Variants in GMDS observed in about 807,000 individuals in gnomAD.
GMDS encodes GDP-mannose 4,6-dehydratase, also known as GDP-mannose 4,6 dehydratase.
GMDS carries 20 observed loss-of-function variants against 49.9 expected under a neutral mutation model. The observed-to-expected ratio is 0.40, with a 90% CI of 0.28 to 0.58. The LOEUF is 0.58. Ranked by LOEUF, GMDS falls within the 20% of genes least tolerant of loss-of-function variation. GMDS has a pLI of 0.42. For missense variants in GMDS, 362 were observed against 481.4 expected (o/e 0.75, Z 2.32); for synonymous variants, 177 against 178.6 (o/e 0.99, Z 0.07).
intron 7 of GMDS, among the ~76,000 whole-genome samples, chr6:1,829,761 A>G (rs1771275273): frequency 6.6e-6 from 1 of 152,192 alleles, no homozygotes; most frequent in Admixed American, 6.5e-5. Flanking sequence ...TATTTTAATG[A>G]ATCTTCTTAT....
chr6:2,059,830 G>A (rs565792941), intron 4 of GMDS, among the ~76,000 whole-genome samples: 245 of 150,078 alleles, frequency 1.6e-3, no homozygotes, highest in African/African-American at 5.3e-3. Flanking sequence ...CTGACAGGGC[G>A]AAGCTCAGAG....
At chr6:1,683,198 A>C (rs1182089122) in intron 9 of GMDS, among the ~76,000 whole-genome samples, 1 of 152,120 alleles carries the variant, frequency 6.6e-6, no homozygotes, top group Non-Finnish European at 1.5e-5. Context: ...ATCTCGGCTC[A>C]CTGCAAGCTC....
At chr6:1,720,298 T>G (rs539683261) in intron 9 of GMDS, among the ~76,000 whole-genome samples, 80 of 152,210 alleles carry the variant, frequency 5.3e-4, no homozygotes, top group South Asian at 1.2e-3. Flanking sequence ...GGGATTTGTA[T>G]GCGATCCTAT....
intron 4 of GMDS, among the ~76,000 whole-genome samples, chr6:1,987,619 A>G (rs745765225): frequency 6.6e-6 from 1 of 152,228 alleles, no homozygotes; most frequent in Non-Finnish European, 1.5e-5. Flanking sequence ...GAGGTGAAAT[A>G]TATAGTAAGT....
chr6:2,232,579 T>A (rs1781159236), intron 1 of GMDS, among the ~76,000 whole-genome samples: 2 of 152,188 alleles, frequency 1.3e-5, no homozygotes, highest in African/African-American at 4.8e-5. Context: ...CTATCTTCGT[T>A]CAGGTAGGAA....
chr6:1,889,373 T>G (rs777864088), intron 7 of GMDS, among the ~76,000 whole-genome samples: 17 of 152,094 alleles, frequency 1.1e-4, no homozygotes, highest in Non-Finnish European at 2.1e-4. Context: ...TCCTTATCTC[T>G]CAATCATTCT....
rs1764828582 is a variant in GMDS, at chr6:1,682,664, G to T, written c.987+43752C>A. On this transcript the variant is annotated intron_variant, in intron 9 of 10. Transcript: ENST00000380815. The stretch of plus-strand genomic sequence containing the variant: ...GGCTCACTGCAAGCTCCGCCTCCCG[G>T]GTTCACGCCATTCTCCTGCCTCAGC... 1.4e-3 allele frequency among the ~76,000 whole-genome samples: 8 copies of T among 5,842 alleles called. 3 individuals carry two copies. The highest frequency in any genetic ancestry group is 5.7e-3 in the Admixed American group (8 of 1,392). 3.8% of individuals were successfully genotyped at this position (5,842 alleles called of 152,430 possible). A position where few individuals can be genotyped will look rare whatever the true frequency, so the allele number is the denominator to read the frequency against.
At chr6:2,038,792 T>C (rs1305932805) in intron 4 of GMDS, among the ~76,000 whole-genome samples, 1 of 152,172 alleles carries the variant, frequency 6.6e-6, no homozygotes, top group East Asian at 1.9e-4. Context: ...GAGTTTCAAC[T>C]GCTGTGCACT....
rs141997632 is a variant in GMDS at position 1,926,500 on chromosome 6, G to A, written c.771+3603C>T. 5.2e-3 allele frequency among the ~76,000 whole-genome samples: 794 copies of A among 152,342 alleles called. 2 individuals carry two copies. Among genetic ancestry groups the A allele is most frequent in the Admixed American group, 7.2e-3 (110 of 15,310 alleles). On this transcript the variant is annotated intron_variant, in intron 7 of 10. Transcript: ENST00000380815. The stretch of plus-strand genomic sequence containing the variant: ...CATTTCAGCTGTATAATTAAAACGT[G>A]TGTGTAAATGAGATGGTATTATGAC...
chr6:2,145,864 T>TAA (rs1217362627), intron 1 of GMDS, among the ~76,000 whole-genome samples: 6 of 152,214 alleles, frequency 3.9e-5, no homozygotes, highest in African/African-American at 1.4e-4. Context: ...ATCTCAAAAA[T>TAA]AAAGTATACA....
At chr6:2,146,486 G>T (rs9378685) in intron 1 of GMDS, among the ~76,000 whole-genome samples, 3 of 151,958 alleles carry the variant, frequency 2.0e-5, no homozygotes, top group Non-Finnish European at 4.4e-5. Flanking sequence ...TTGAGTCTCC[G>T]GCATTAACAA....
chr6:2,023,813 T>C (rs1489249954), intron 4 of GMDS, among the ~76,000 whole-genome samples: 1 of 152,004 alleles, frequency 6.6e-6, no homozygotes, highest in Non-Finnish European at 1.5e-5. Flanking sequence ...AAGTTAAAAA[T>C]AGATGAAAGA....
chr6:1,684,325 A>G (rs556667498), intron 9 of GMDS, among the ~76,000 whole-genome samples: 1 of 152,322 alleles, frequency 6.6e-6, no homozygotes, highest in South Asian at 2.1e-4. Context: ...CATACTTCCC[A>G]GATGAACCGT....
chr6:1,880,338 G>C (rs968512054), intron 7 of GMDS, among the ~76,000 whole-genome samples: 1 of 148,136 alleles, frequency 6.8e-6, no homozygotes, highest in African/African-American at 2.5e-5. Context: ...CACGTTTGTT[G>C]CCCCAGCTAC....
rs1199063268 is a variant in GMDS at position 1,916,234 on chromosome 6, G to A, written c.771+13869C>T. Among the ~76,000 whole-genome samples, 6 of 152,264 alleles carry A rather than the reference G, an allele frequency of 3.9e-5. No homozygotes were observed. In the South Asian group the frequency reaches 1.0e-3, roughly 26 times the overall value. On this transcript the variant is annotated intron_variant, in intron 7 of 10. Transcript: ENST00000380815. ...CCAGCAGCCACCTAGTTACAAGGTA[G>A]CACGCCCACAGTGACCAGCGCTGAT...
At chr6:2,062,394 A>G (rs1441300143) in intron 4 of GMDS, among the ~76,000 whole-genome samples, 2 of 152,214 alleles carry the variant, frequency 1.3e-5, no homozygotes, top group African/African-American at 4.8e-5. Flanking sequence ...TGCATTGCTG[A>G]CCTGAAACAT....
chr6:1,994,912 C>A (rs1355156683), intron 4 of GMDS, among the ~76,000 whole-genome samples: 1 of 152,094 alleles, frequency 6.6e-6, no homozygotes, highest in Non-Finnish European at 1.5e-5. Flanking sequence ...ATATCAATAG[C>A]AGCTCTAGGA....
At chr6:1,890,463 T>G (rs1187127642) in intron 7 of GMDS, among the ~76,000 whole-genome samples, 1 of 152,144 alleles carries the variant, frequency 6.6e-6, no homozygotes, top group Non-Finnish European at 1.5e-5. Context: ...CTTTATATAT[T>G]CTGGATACTG....
chr6:2,201,478 T>C (rs1158553850), intron 1 of GMDS, among the ~76,000 whole-genome samples: 1 of 122,104 alleles, frequency 8.2e-6, no homozygotes, highest in Admixed American at 8.2e-5. Context: ...TGAAACCATC[T>C]AGGCAGTGAG....
Sources: allele counts gnomAD v4.1 joint callset (sites outside exome capture counted in the v4.1 genomes callset), GRCh38; gene constraint gnomAD v4.1.1; transcripts MANE v1.5; gene names NCBI Gene and HGNC (gene_info 2026-07-23, HGNC 2026-07-21).